The following DCST1 variants were observed in gnomAD, a reference collection of about 807,000 sequenced individuals.
DCST1 encodes the protein DC-STAMP domain containing 1.
Under a neutral mutation model 89.1 loss-of-function variants are expected in DCST1, and 78 were observed. The ratio of observed to expected loss-of-function variants is 0.88; its 90% CI spans 0.73 to 1.06. The LOEUF is 1.06. Among genes scored for constraint, DCST1 ranks in the 50% least tolerant of loss-of-function variants. The pLI, the probability that DCST1 is intolerant of heterozygous loss-of-function variation, is 0.00. For synonymous variants in DCST1, 364 were observed against 371.9 expected (o/e 0.98, Z 0.24); for missense variants, 900 against 928.6 (o/e 0.97, Z 0.40).
Position 155,041,544 on chromosome 1 carries a change from G to A in DCST1, c.679G>A (p.Ala227Thr). ...ETAQGREARQ[A>T]PASRLHLSTQ... Reference sequence around the variant, plus strand: ...AGCCCAGGGCAGGGAGGCCCGCCAAGCCCCAGCCTCCAGACTCCACCTGTC... The same window carrying A: ...AGCCCAGGGCAGGGAGGCCCGCCAAACCCCAGCCTCCAGACTCCACCTGTC... The change falls in exon 7 of 17, where the codon GCC becomes ACC. Residue 227 changes from alanine (A) to threonine (T), a missense_variant. Coordinates refer to ENST00000295542, the MANE Select transcript of DCST1 (RefSeq NM_152494.4). The A allele has an allele frequency of 6.2e-7, 1 of 1,614,108 alleles. No individual in the cohort carries two copies. The highest frequency in any genetic ancestry group is 1.1e-5 in the South Asian group (1 of 91,090).
At position 155,050,861 on chromosome 1, in the gene DCST1, C is replaced by T; in HGVS notation, c.2114C>T (p.Ala705Val). ...FSDSNDDTAY[A>V]G ...GACAGCAACGACGACACTGCCTACG[C>T]GGGGTGAAGAGGCGTCCTGCTCGCT... Residue 705 changes from alanine (A) to valine (V), a missense_variant, in exon 17 of 17, where the codon GCG becomes GTG. Transcript: ENST00000295542. 1 of 1,609,604 alleles carries T rather than the reference C, an allele frequency of 6.2e-7. No individual in the cohort carries two copies. The highest frequency in any genetic ancestry group is 1.3e-5 in the African/African-American group (1 of 74,968).
chr1:155,042,577 A>G (rs1193646947), intron 8 of DCST1, among the ~76,000 whole-genome samples, 158 bp from the exon 9 acceptor site: 1 of 152,194 alleles, frequency 6.6e-6, no homozygotes, highest in Admixed American at 6.5e-5. Context: ...GGATCCAAAG[A>G]GAGCAGAGAG....
rs771385043 is a variant in DCST1 at position 155,050,743 on chromosome 1, G to A, written c.1996G>A (p.Glu666Lys). 6.2e-7 allele frequency: 1 copy of A among 1,611,010 alleles called. No homozygotes were observed. The highest frequency in any genetic ancestry group is 8.5e-7 in the Non-Finnish European group (1 of 1,178,952). ...ESYVCRTLDCEAVYCWSCWDD... is the reference protein window; with the variant it reads ...ESYVCRTLDCKAVYCWSCWDD... The stretch of plus-strand genomic sequence containing the variant: ...CTACGTGTGCCGGACGCTGGACTGC[G>A]AGGCCGTGTACTGCTGGTCGTGCTG... Residue 666 changes from glutamate to lysine, a missense_variant, in exon 17 of 17, where the codon GAG becomes AAG. By Grantham distance (56) the Glu-to-Lys change is moderately conservative (BLOSUM62 1). Coordinates refer to ENST00000295542, the MANE Select transcript of DCST1 (RefSeq NM_152494.4).
In DCST1 at chr1:155,050,308, T is replaced by C. The variant is rs1660863730; in HGVS notation, c.1870-309T>C. Among the ~76,000 whole-genome samples, 3 of 152,246 alleles carry C rather than the reference T, an allele frequency of 2.0e-5. 1 individual carries two copies. The highest frequency in any genetic ancestry group is 1.3e-4 in the Admixed American group (2 of 15,288). ...TGTAAAGTGGGGATAGCAACAGTGA[T>C]AGTCGATCTGGCCTGCTCACTTCTC... On this transcript the variant is annotated intron_variant, in intron 16 of 16. Transcript: ENST00000295542.
intron 13 of DCST1, 92 bp from the exon 14 acceptor site, chr1:155,047,104 T>C: frequency 1.0e-6 from 1 of 996,180 alleles, no homozygotes; most frequent in Non-Finnish European, 1.6e-6. Context: ...GAAGCATTTC[T>C]GTGTCTTGAC....
chr1:155,039,266 G>A, intron 4 of DCST1, 137 bp from the exon 5 acceptor site: 1 of 1,055,046 alleles, frequency 9.5e-7, no homozygotes, highest in African/African-American at 1.6e-5. Context: ...AGGTCTATCA[G>A]AGTCAGTGTA....
chr1:155,046,558 AC>A, intron 13 of DCST1, 72 bp downstream of exon 13: 1 of 1,396,616 alleles, frequency 7.2e-7, no homozygotes, highest in Non-Finnish European at 9.6e-7. Flanking sequence ...CTGCACAGCC[AC>A]CCCACCCTAG....
rs781035156 is a variant in DCST1, at chr1:155,046,190, C to T, written c.1338C>T (p.Pro446=). The T allele has an allele frequency of 8.7e-6, 14 of 1,614,200 alleles. No homozygotes were observed. Among genetic ancestry groups the T allele is most frequent in the Non-Finnish European group, 5.9e-6 (7 of 1,180,044 alleles). The stretch of plus-strand genomic sequence containing the variant: ...AAACCGTCATCTTCCCTTGCAAGCC[C>T]ACCATCCAGGCCTCAGAAATGAGCA... ...EEKTVIFPCK[P]TIQASEMSNV... Residue 446 remains proline (P), a synonymous_variant, in exon 12 of 17, where the codon CCC becomes CCT. Transcript: ENST00000295542.
intron 16 of DCST1, among the ~76,000 whole-genome samples, chr1:155,050,010 A>C (rs985972494): frequency 6.6e-6 from 1 of 152,214 alleles, no homozygotes; most frequent in Non-Finnish European, 1.5e-5. Context: ...CTAGAAAGGG[A>C]CCAGGTGAGG....
chr1:155,037,815 G>A (rs1205094750), intron 4 of DCST1, among the ~76,000 whole-genome samples: 2 of 152,240 alleles, frequency 1.3e-5, no homozygotes, highest in Admixed American at 1.3e-4. Context: ...TGAGCCCAAA[G>A]AAGACACCCA....
intron 16 of DCST1, 142 bp downstream of exon 16, chr1:155,048,312 G>C (rs867649949): frequency 2.9e-6 from 2 of 686,564 alleles, no homozygotes; most frequent in African/African-American, 3.6e-5. Context: ...TATTTTTTGA[G>C]ATGGAATCTC....
Position 155,040,553 on chromosome 1 carries a change from C to A in DCST1, c.460C>A (p.Gln154Lys). The change falls in exon 6 of 17, where the codon CAG (glutamine) becomes AAG (lysine). Residue 154 changes from glutamine to lysine, a missense_variant. Physicochemically the swap from Gln to Lys is moderately conservative, Grantham distance 53 (BLOSUM62 1). Coordinates refer to ENST00000295542, the MANE Select transcript of DCST1 (RefSeq NM_152494.4). ...IASLGCTVEL[Q>K]INNTRAAWRI... ...ATCGCTGGGCTGCACCGTGGAGCTG[C>A]AGATCAACAACACCCGCGCAGCTTG... The A allele has an allele frequency of 6.3e-7, 1 of 1,592,890 alleles. No homozygotes were observed. Among genetic ancestry groups the A allele is most frequent in the Non-Finnish European group, 8.6e-7 (1 of 1,168,804 alleles).
chr1:155,033,912 C>A, intron 1 of DCST1, 58 bp downstream of exon 1: 1 of 1,370,970 alleles, frequency 7.3e-7, no homozygotes. Context: ...AGGCCCAGAG[C>A]TCAGGCCTAG....
intron 16 of DCST1, 28 bp from the exon 17 acceptor site, chr1:155,050,589 G>A: frequency 6.4e-7 from 1 of 1,550,634 alleles, no homozygotes; most frequent in South Asian, 1.2e-5. Context: ...TCGCTCCCGG[G>A]CTGGCGCTAA....
intron 10 of DCST1, among the ~76,000 whole-genome samples, chr1:155,044,803 G>A (rs1195521421): frequency 3.3e-5 from 5 of 152,212 alleles, no homozygotes; most frequent in Non-Finnish European, 5.9e-5. Flanking sequence ...GGCGGTGGTG[G>A]CAAGATGGCC....
In DCST1 at chr1:155,043,387, A is replaced by G. The variant is rs1413339234; in HGVS notation, c.1050A>G (p.Thr350=). Residue 350 remains threonine, a synonymous_variant, in exon 10 of 17, where the codon ACA becomes ACG. Coordinates refer to ENST00000295542, the MANE Select transcript of DCST1 (RefSeq NM_152494.4). ...AGGCTGGGGTGCTGGGGCTCAACAC[A>G]AGCTGGGAGCGCGTGAGCACCGAGG... ...EKQAGVLGLN[T]SWERVSTEVR... is the part of the protein sequence containing the mutation. The G allele has an allele frequency of 6.2e-7, 1 of 1,614,022 alleles. No individual in the cohort carries two copies. The highest frequency in any genetic ancestry group is 1.1e-5 in the South Asian group (1 of 91,074).
chr1:155,038,475 T>C (rs889266662), intron 4 of DCST1, among the ~76,000 whole-genome samples: 1 of 152,226 alleles, frequency 6.6e-6, no homozygotes. Flanking sequence ...CATCAGGTTA[T>C]AGTCCCAGTA....
Position 155,039,403 on chromosome 1 carries a change from G to T in DCST1, c.263G>T (p.Gly88Val). The T allele has an allele frequency of 6.3e-7, 1 of 1,580,822 alleles. No homozygotes were observed. Among genetic ancestry groups the T allele is most frequent in the Non-Finnish European group, 8.6e-7 (1 of 1,162,556 alleles). ...ACCACCTCCTGGGCTCTCCTGACAG[G>T]CTTGGGGGCCATGGGCTGGGGGACC... ...QKIMFLYSLVGLGAMGWGTSP... is the reference protein window; with the variant it reads ...QKIMFLYSLVVLGAMGWGTSP... The change falls in exon 5 of 17, where the codon GGC (glycine) becomes GTC (valine). Residue 88 changes from glycine (G) to valine (V), a missense_variant and splice_region_variant. By Grantham distance (109) the Gly-to-Val change is moderately radical (BLOSUM62 -3). Transcript: ENST00000295542.
intron 9 of DCST1, among the ~76,000 whole-genome samples, chr1:155,043,127 G>T (rs1660485604): frequency 6.6e-6 from 1 of 152,130 alleles, no homozygotes; most frequent in Non-Finnish European, 1.5e-5. Context: ...TTGGCCTGGG[G>T]TGGGAGCTAT....
Sources: allele counts gnomAD v4.1 joint callset (sites outside exome capture counted in the v4.1 genomes callset), GRCh38; gene constraint gnomAD v4.1.1; transcripts MANE v1.5; gene names NCBI Gene and HGNC (gene_info 2026-07-23, HGNC 2026-07-21).